QKI: variants seen among roughly 807,000 people sequenced by gnomAD.
QKI encodes the protein KH domain-containing RNA-binding protein QKI.
Under a neutral mutation model 39.0 loss-of-function variants are expected in QKI, and 10 were observed. The observed-to-expected ratio is 0.26, with a 90% CI of 0.16 to 0.43. The LOEUF (loss-of-function observed/expected upper bound fraction) is 0.43, where lower values mean the gene tolerates loss of function less well. Ranked by LOEUF, QKI falls within the 20% of genes least tolerant of loss-of-function variation. The pLI is 1.00. For synonymous variants in QKI, 204 were observed against 155.4 expected (o/e 1.31, Z -2.33); for missense variants, 218 against 428.0 (o/e 0.51, Z 4.33).
Position 163,504,561 on chromosome 6 carries a change from C to G in QKI, c.402+25665C>G, listed in dbSNP as rs77126032. On this transcript the variant is annotated intron_variant, in intron 3 of 7. Transcript: ENST00000361752. The stretch of plus-strand genomic sequence containing the variant: ...AGCAGTGTTTTGTTTTGTAGTTCTC[C>G]TTACAGAGATCTTTTAACTTCTTGG... 3.3e-3 allele frequency among the ~76,000 whole-genome samples: 502 copies of G among 152,194 alleles called. 4 individuals are homozygous for G. Among genetic ancestry groups the G allele is most frequent in the African/African-American group, 0.011 (472 of 41,540 alleles).
intron 2 of QKI, among the ~76,000 whole-genome samples, chr6:163,473,798 T>C (rs1792379626): frequency 6.6e-6 from 1 of 151,564 alleles, no homozygotes; most frequent in Non-Finnish European, 1.5e-5. Flanking sequence ...ATCTGGAGAG[T>C]GGAAAAAGGA....
At chr6:163,475,486 A>G (rs982101042) in intron 2 of QKI, among the ~76,000 whole-genome samples, 12 of 152,166 alleles carry the variant, frequency 7.9e-5, no homozygotes, top group African/African-American at 2.4e-4. Flanking sequence ...ACACCGTTTT[A>G]TATAAGGGAC....
intron 1 of QKI, chr6:163,415,903 T>TG (rs779277065): frequency 9.0e-5 from 46 of 513,280 alleles, no homozygotes; most frequent in African/African-American, 7.5e-4. Flanking sequence ...GAAGTCAGTG[T>TG]GGGGCTCGTT....
At chr6:163,553,192 C>G (rs1480274063) in intron 4 of QKI, among the ~76,000 whole-genome samples, 1 of 151,676 alleles carries the variant, frequency 6.6e-6, no homozygotes, top group Non-Finnish European at 1.5e-5. Context: ...CAACCTGCAC[C>G]TCCTGGGTTC....
intron 1 of QKI, among the ~76,000 whole-genome samples, chr6:163,435,397 A>G (rs570549710): frequency 2.6e-5 from 4 of 152,168 alleles, no homozygotes; most frequent in Non-Finnish European, 5.9e-5. Flanking sequence ...CTGGCAGCCT[A>G]ATGGAAATTG....
chr6:163,427,305 A>G (rs1050187279), intron 1 of QKI, among the ~76,000 whole-genome samples: 5 of 128,222 alleles, frequency 3.9e-5, no homozygotes, highest in African/African-American at 6.1e-5. Context: ...TGATGGTGAC[A>G]TACTTATTTG....
rs768774505 is a variant in QKI at position 163,566,779 on chromosome 6, T to C, written c.993T>C (p.Ile331=). 6.2e-7 allele frequency: 1 copy of C among 1,613,818 alleles called. No individual in the cohort carries two copies. Among genetic ancestry groups the C allele is most frequent in the East Asian group, 2.2e-5 (1 of 44,860 alleles). The change falls in exon 7 of 8, where the codon ATT becomes ATC. Residue 331 remains isoleucine, a synonymous_variant. Coordinates refer to ENST00000361752, the MANE Select transcript of QKI (RefSeq NM_006775.3). ...HDMRVHPYQR[I]VTADRAATGN ...TGCGTGTCCATCCTTACCAAAGGAT[T>C]GTGACCGCAGACCGAGGTTAGTTTA...
intron 1 of QKI, among the ~76,000 whole-genome samples, chr6:163,444,432 A>G (rs1482258183): frequency 2.6e-5 from 4 of 152,226 alleles, no homozygotes; most frequent in African/African-American, 7.2e-5. Context: ...TACCACATGT[A>G]TTAGGAAGAT....
intron 1 of QKI, among the ~76,000 whole-genome samples, chr6:163,444,577 A>G (rs867201182): frequency 2.0e-5 from 3 of 152,180 alleles, no homozygotes; most frequent in African/African-American, 7.2e-5. Flanking sequence ...AAAATTTACA[A>G]AGCTTTTGCA....
intron 2 of QKI, among the ~76,000 whole-genome samples, chr6:163,472,631 A>G (rs1275654290): frequency 6.6e-6 from 1 of 152,234 alleles, no homozygotes; most frequent in East Asian, 1.9e-4. Context: ...ACCATATGCT[A>G]TGCTGAAAAG....
intron 4 of QKI, among the ~76,000 whole-genome samples, chr6:163,551,514 A>G (rs557911262): frequency 6.6e-6 from 1 of 152,384 alleles, no homozygotes; most frequent in African/African-American, 2.4e-5. Flanking sequence ...ACAACAAAGA[A>G]AAAGAAGATG....
intron 4 of QKI, among the ~76,000 whole-genome samples, chr6:163,561,120 C>CA (rs1328531235): frequency 6.6e-6 from 1 of 152,168 alleles, no homozygotes; most frequent in African/African-American, 2.4e-5. Flanking sequence ...TGTAAGAGAG[C>CA]AGAATATACG....
In QKI at chr6:163,563,579, A is replaced by G. The variant is rs745955052; in HGVS notation, c.794A>G (p.Asn265Ser). Residue 265 changes from asparagine (N) to serine (S), a missense_variant, in exon 6 of 8, where the codon AAC (asparagine) becomes AGC (serine). This residue lies in a region of QKI where 117 missense variants were observed against 186.0 expected (regional missense o/e 0.63). Coordinates refer to ENST00000361752, the MANE Select transcript of QKI (RefSeq NM_006775.3). ...IRQIQTAVMPNGTPHPTAAIV... is the reference protein window; with the variant it reads ...IRQIQTAVMPSGTPHPTAAIV... ...CAAATACAGACCGCTGTCATGCCAA[A>G]CGGAACTCCTCACCCAACTGCTGCA... is the stretch of plus-strand genomic sequence containing the variant. 1 of 1,614,148 alleles carries G rather than the reference A, an allele frequency of 6.2e-7. No individual in the cohort carries two copies.
At chr6:163,478,275 C>G (rs1360183586) in intron 2 of QKI, among the ~76,000 whole-genome samples, 2 of 152,096 alleles carry the variant, frequency 1.3e-5, no homozygotes, top group African/African-American at 4.8e-5. Flanking sequence ...TGTAGCCAAC[C>G]CATAGTTTTC....
At chr6:163,492,815 A>G (rs1184150629) in intron 3 of QKI, among the ~76,000 whole-genome samples, 1 of 152,188 alleles carries the variant, frequency 6.6e-6, no homozygotes. Context: ...AGGGTGTGTA[A>G]TATTATCAAG....
chr6:163,547,221 A>G (rs140012665), intron 4 of QKI, among the ~76,000 whole-genome samples: 1 of 152,296 alleles, frequency 6.6e-6, no homozygotes, highest in African/African-American at 2.4e-5. Context: ...CGACTGACAA[A>G]AGAAATTCAT....
At chr6:163,420,579 C>T (rs1317023628) in intron 1 of QKI, among the ~76,000 whole-genome samples, 2 of 152,010 alleles carry the variant, frequency 1.3e-5, no homozygotes, top group African/African-American at 2.4e-5. Flanking sequence ...TTTACATGAT[C>T]AACGGGACTT....
At chr6:163,419,593 C>T (rs187945004) in intron 1 of QKI, among the ~76,000 whole-genome samples, 2 of 152,134 alleles carry the variant, frequency 1.3e-5, no homozygotes. Context: ...CTTTTCTCAC[C>T]CAGGAGGTGT....
intron 4 of QKI, among the ~76,000 whole-genome samples, chr6:163,549,441 T>TG (rs1404371967): frequency 6.6e-6 from 1 of 152,188 alleles, no homozygotes; most frequent in Admixed American, 6.5e-5. Flanking sequence ...CTGGGCATGG[T>TG]GGCTCATGCC....
Sources: gnomAD v4.1 joint callset for allele counts (sites outside exome capture counted in the v4.1 genomes callset) on GRCh38, gnomAD v4.1.1 for gene constraint, gnomAD v4.1.1 regional missense constraint, MANE v1.5 for transcripts, NCBI Gene and HGNC (gene_info 2026-07-23, HGNC 2026-07-21) for gene names.